CLEC20A: variants seen among roughly 807,000 people sequenced by gnomAD.
CLEC20A encodes the protein putative C-type lectin domain family 20 member A.
At chr1:178,495,246 T>A (rs1391982213) in intron 1 of CLEC20A, among the ~76,000 whole-genome samples, 1 of 152,194 alleles carries the variant, frequency 6.6e-6, no homozygotes, top group Non-Finnish European at 1.5e-5. Context: ...AAGATAGCAC[T>A]CTGTTTTACA....
At chr1:178,483,923 G>C (rs1049980851) in intron 5 of CLEC20A, 4 of 152,076 alleles carry the variant, frequency 2.6e-5, no homozygotes, top group African/African-American at 9.7e-5. Flanking sequence ...AAGCAAATTT[G>C]TCCCCTCCCC....
intron 3 of CLEC20A, 102 bp from the exon 4 acceptor site, chr1:178,490,539 C>G (rs1212812373): frequency 5.0e-6 from 2 of 397,582 alleles, no homozygotes; most frequent in East Asian, 3.6e-5. Context: ...GACATGGGCC[C>G]TTGTCCCTGG....
At chr1:178,496,640 G>A (rs973862897) in intron 1 of CLEC20A, 16 of 390,300 alleles carry the variant, frequency 4.1e-5, no homozygotes, top group African/African-American at 8.2e-5. Flanking sequence ...TCTTAGCCCC[G>A]CTAGAAAGAA....
intron 2 of CLEC20A, among the ~76,000 whole-genome samples, chr1:178,492,867 G>A (rs1040953336): frequency 2.0e-5 from 3 of 152,234 alleles, no homozygotes; most frequent in Non-Finnish European, 2.9e-5. Flanking sequence ...CCACGACAAA[G>A]GTTCTGCAGT....
At chr1:178,494,502 T>C (rs1649340660) in exon 2 of CLEC20A, 1 of 399,652 alleles carries the variant, frequency 2.5e-6, no homozygotes, top group Non-Finnish European at 4.4e-6. Flanking sequence ...GCAGCCCCTA[T>C]GCTGGGTAAT....
At chr1:178,487,422 C>T (rs1231268304) in intron 5 of CLEC20A, among the ~76,000 whole-genome samples, 6 of 152,218 alleles carry the variant, frequency 3.9e-5, no homozygotes, top group Admixed American at 3.9e-4. Context: ...TGGGCTCCCA[C>T]ACTCTCCAGC....
In CLEC20A at chr1:178,490,452, T is replaced by A. The variant is rs527456516; in HGVS notation, c.464-15A>T. The A allele has an allele frequency of 5.0e-6, 2 of 398,560 alleles. No homozygotes were observed. Among genetic ancestry groups the A allele is most frequent in the Non-Finnish European group, 4.4e-6 (1 of 226,104 alleles). 24.7% of individuals were successfully genotyped at this position (398,560 alleles called of 1,614,324 possible). A position where few individuals can be genotyped will look rare whatever the true frequency, so the allele number is the denominator to read the frequency against. Reference sequence around the variant, plus strand: ...CTGGACCACAGCTGGGGTCAAAGAATGTGGAGATCACTGGCCTGAGGGCCT... The same window carrying A: ...CTGGACCACAGCTGGGGTCAAAGAAAGTGGAGATCACTGGCCTGAGGGCCT... On this transcript the variant is annotated splice_polypyrimidine_tract_variant and intron_variant, in intron 3 of 7. Coordinates refer to ENST00000623247, the Ensembl canonical transcript of CLEC20A.
upstream of CLEC20A, among the ~76,000 whole-genome samples, chr1:178,497,773 T>A (rs1399994778): frequency 6.6e-6 from 1 of 152,192 alleles, no homozygotes; most frequent in Non-Finnish European, 1.5e-5. Context: ...GAGGTCCTCC[T>A]GCAACTTAGG....
chr1:178,488,300 G>T (rs1343541649), intron 5 of CLEC20A, among the ~76,000 whole-genome samples: 5 of 152,202 alleles, frequency 3.3e-5, no homozygotes, highest in Non-Finnish European at 1.5e-5. Flanking sequence ...TCCTTCCCCA[G>T]CCCTGGCTGG....
chr1:178,479,802 G>T, intron 7 of CLEC20A, 187 bp from the exon 8 acceptor site: 2 of 342,504 alleles, frequency 5.8e-6, no homozygotes, highest in Non-Finnish European at 1.0e-5. Flanking sequence ...AATTAATTTT[G>T]TTAGCAAAAA....
At chr1:178,489,731 C>T (rs140428801) in intron 4 of CLEC20A, among the ~76,000 whole-genome samples, 48 of 152,300 alleles carry the variant, frequency 3.2e-4, no homozygotes, top group African/African-American at 5.1e-4. Flanking sequence ...AAGGAGGCTC[C>T]GAGATGCTGC....
At chr1:178,483,475 C>T (rs1280464333) in intron 5 of CLEC20A, 193 bp from the exon 6 acceptor site, 1 of 385,918 alleles carries the variant, frequency 2.6e-6, no homozygotes, top group South Asian at 1.4e-4. Flanking sequence ...CTCTTTTAAC[C>T]CAGCACTTGA....
intron 7 of CLEC20A, chr1:178,481,966 G>C (rs1243972270): frequency 5.1e-6 from 1 of 196,076 alleles, no homozygotes; most frequent in Non-Finnish European, 1.0e-5. Context: ...GGAGGAAACT[G>C]AGGCTCAGAA....
chr1:178,497,918 G>C (rs549914442), upstream of CLEC20A, among the ~76,000 whole-genome samples: 18 of 152,166 alleles, frequency 1.2e-4, no homozygotes, highest in African/African-American at 4.3e-4. Flanking sequence ...TGGGTCCTCA[G>C]GGTCAGAGGA....
chr1:178,490,610 G>A (rs1649248640), intron 3 of CLEC20A, among the ~76,000 whole-genome samples, 173 bp from the exon 4 acceptor site: 1 of 152,222 alleles, frequency 6.6e-6, no homozygotes, highest in African/African-American at 2.4e-5. Flanking sequence ...TACCAGGATG[G>A]AAGAATGGAT....
At chr1:178,484,292 G>A (rs1303488268) in intron 5 of CLEC20A, 1 of 152,192 alleles carries the variant, frequency 6.6e-6, no homozygotes, top group Non-Finnish European at 1.5e-5. Flanking sequence ...GGTAGCCCCA[G>A]TCGGCATACC....
At position 178,482,294 on chromosome 1, in the gene CLEC20A, A is replaced by G. The variant is rs1649010849; in HGVS notation, c.1122+18T>C. On this transcript the variant is annotated intron_variant, in intron 7 of 7. Transcript: ENST00000623247. The stretch of plus-strand genomic sequence containing the variant: ...CCAATCATCTGATCAGAATTAGAAG[A>G]GTGTGCAGAAGTCTCACCTGTCTCA... The G allele has an allele frequency of 5.0e-6, 2 of 398,558 alleles. No individual in the cohort carries two copies. The highest frequency in any genetic ancestry group is 8.8e-6 in the Non-Finnish European group (2 of 226,046). 24.7% of individuals were successfully genotyped at this position (398,558 alleles called of 1,614,324 possible). A position where few individuals can be genotyped will look rare whatever the true frequency, so the allele number is the denominator to read the frequency against.
At chr1:178,491,482 G>A (rs896453387) in intron 3 of CLEC20A, among the ~76,000 whole-genome samples, 1 of 152,076 alleles carries the variant, frequency 6.6e-6, no homozygotes, top group Non-Finnish European at 1.5e-5. Flanking sequence ...CCTAGTATGT[G>A]CCAGCCCTGA....
intron 7 of CLEC20A, chr1:178,479,895 G>C: frequency 5.2e-6 from 1 of 191,394 alleles, no homozygotes; most frequent in Non-Finnish European, 1.0e-5. Flanking sequence ...AATCACTGGA[G>C]AGTTGTTTAA....
Sources: gnomAD v4.1 joint callset for allele counts (sites outside exome capture counted in the v4.1 genomes callset) on GRCh38, gnomAD v4.1.1 for gene constraint, MANE v1.5 for transcripts, NCBI Gene and HGNC (gene_info 2026-07-23, HGNC 2026-07-21) for gene names.